ROBO2: variants seen among roughly 807,000 people sequenced by gnomAD.
ROBO2 encodes roundabout homolog 2.
A neutral mutation model predicts 160.8 loss-of-function variants in ROBO2; 53 were observed. That is an observed-to-expected ratio of 0.33 (90% confidence interval 0.26 to 0.41). ROBO2 has a LOEUF of 0.41. ROBO2 is among the 10% of genes least tolerant of loss of function. ROBO2 has a pLI of 1.00. For missense variants in ROBO2, 1,577 were observed against 1,722.4 expected (o/e 0.92, Z 1.49); for synonymous variants, 664 against 611.7 (o/e 1.09, Z -1.26).
intron 2 of ROBO2, among the ~76,000 whole-genome samples, chr3:76,204,453 A>G (rs925697076): frequency 2.4e-4 from 37 of 152,142 alleles, no homozygotes; most frequent in African/African-American, 8.2e-4. Flanking sequence ...CACACATACT[A>G]TTAGAAGCTG....
intron 2 of ROBO2, among the ~76,000 whole-genome samples, chr3:76,041,163 T>C (rs2067260787): frequency 6.6e-6 from 1 of 152,086 alleles, no homozygotes; most frequent in African/African-American, 2.4e-5. Context: ...AGGAGATGTG[T>C]ACACATTATG....
chr3:77,090,320 ACTCTTTTTTTTTTTTTTTTTTTT>A (rs2069979902), intron 1 of ROBO2, among the ~76,000 whole-genome samples: 15 of 68,234 alleles, frequency 2.2e-4, no homozygotes, highest in African/African-American at 6.8e-4. Context: ...CTTCTAAACC[ACTCTTTTTTTTTTTTTTTTTTTT>A]TTTTTTTTTT....
chr3:76,553,026 C>G (rs1487742342), intron 2 of ROBO2, among the ~76,000 whole-genome samples: 1 of 152,104 alleles, frequency 6.6e-6, no homozygotes, highest in African/African-American at 2.4e-5. Context: ...GATGGGTAAG[C>G]AAGTGGTGGG....
chr3:76,202,165 A>G (rs890648328), intron 2 of ROBO2, among the ~76,000 whole-genome samples: 1 of 152,204 alleles, frequency 6.6e-6, no homozygotes, highest in Non-Finnish European at 1.5e-5. Context: ...TTCCACATAT[A>G]TCGTGTTATG....
intron 2 of ROBO2, among the ~76,000 whole-genome samples, chr3:77,449,925 C>T (rs779713429): frequency 1.1e-4 from 16 of 151,744 alleles, no homozygotes; most frequent in Non-Finnish European, 2.1e-4. Flanking sequence ...TTTTAACTGA[C>T]CACAGAGTAA....
intron 2 of ROBO2, among the ~76,000 whole-genome samples, chr3:76,202,038 A>G (rs1194831164): frequency 6.6e-6 from 1 of 152,166 alleles, no homozygotes; most frequent in Non-Finnish European, 1.5e-5. Context: ...ATAGGGAAGC[A>G]CTCATGCATC....
chr3:76,998,145 C>T lies in ROBO2; in HGVS notation c.110-99869C>T, dbSNP rs1036382239. 3.9e-5 allele frequency among the ~76,000 whole-genome samples: 6 copies of T among 152,266 alleles called. No individual in the cohort carries two copies. In the East Asian group the frequency reaches 9.7e-4, roughly 24 times the overall value. On this transcript the variant is annotated intron_variant, in intron 2 of 26. Transcript: ENST00000487694. ...CTACAATGTTCTGTGGTCAGTTTTA[C>T]AACCTGACACAGTACATAGTTATTA...
chr3:76,673,013 A>C (rs1391219419), intron 2 of ROBO2, among the ~76,000 whole-genome samples: 2 of 151,990 alleles, frequency 1.3e-5, no homozygotes, highest in African/African-American at 2.4e-5. Flanking sequence ...CTTAAGTGAC[A>C]GAAATGATAG....
At chr3:76,505,750 G>T (rs2080760225) in intron 2 of ROBO2, among the ~76,000 whole-genome samples, 1 of 152,070 alleles carries the variant, frequency 6.6e-6, no homozygotes, top group Admixed American at 6.5e-5. Context: ...TCAACACCTT[G>T]ATTTCAGACT....
intron 2 of ROBO2, among the ~76,000 whole-genome samples, chr3:76,469,802 C>T (rs962687755): frequency 6.6e-6 from 1 of 152,062 alleles, no homozygotes; most frequent in Non-Finnish European, 1.5e-5. Context: ...CACTAGTAAC[C>T]TCACTGATTT....
At chr3:76,517,322 A>C (rs2081391150) in intron 2 of ROBO2, among the ~76,000 whole-genome samples, 2 of 151,870 alleles carry the variant, frequency 1.3e-5, no homozygotes, top group Non-Finnish European at 2.9e-5. Context: ...AACTAAAAGG[A>C]AAAATAAAAA....
chr3:76,746,944 CGTCCAG>C (rs1038652970), intron 2 of ROBO2, among the ~76,000 whole-genome samples: 21 of 152,186 alleles, frequency 1.4e-4, no homozygotes, highest in African/African-American at 5.1e-4. Context: ...AGGATAATGG[CGTCCAG>C]GTCCATCCAT....
chr3:76,841,214 A>G (rs1309449540), intron 2 of ROBO2, among the ~76,000 whole-genome samples: 1 of 152,222 alleles, frequency 6.6e-6, no homozygotes, highest in Non-Finnish European at 1.5e-5. Context: ...ATAGCCTTGT[A>G]GTAGCCCAGA....
chr3:76,689,514 A>G (rs1444732301), intron 2 of ROBO2, among the ~76,000 whole-genome samples: 2 of 152,122 alleles, frequency 1.3e-5, no homozygotes, highest in Non-Finnish European at 2.9e-5. Context: ...CTATTTTGAA[A>G]TATACAATAA....
chr3:76,528,890 A>G (rs1437840605), intron 2 of ROBO2, among the ~76,000 whole-genome samples: 1 of 152,122 alleles, frequency 6.6e-6, no homozygotes, highest in Non-Finnish European at 1.5e-5. Context: ...AGTGTCCTTG[A>G]AGCGAAACGA....
chr3:76,771,927 A>T (rs1233478910), intron 2 of ROBO2, among the ~76,000 whole-genome samples: 1 of 151,302 alleles, frequency 6.6e-6, no homozygotes, highest in East Asian at 2.0e-4. Flanking sequence ...AAAAAATTGT[A>T]ATTCTAATTT....
intron 2 of ROBO2, among the ~76,000 whole-genome samples, chr3:76,509,624 G>A (rs1217533698): frequency 6.6e-6 from 1 of 152,124 alleles, no homozygotes; most frequent in Non-Finnish European, 1.5e-5. Context: ...TAGTGTTGAG[G>A]CAACGCTTTC....
intron 1 of ROBO2, among the ~76,000 whole-genome samples, chr3:77,076,562 T>C (rs2068030478): frequency 6.6e-6 from 1 of 152,146 alleles, no homozygotes. Context: ...TTTTAAGCTA[T>C]GTCTCACCAA....
chr3:76,024,066 A>G (rs1166489037), intron 2 of ROBO2, among the ~76,000 whole-genome samples: 1 of 151,476 alleles, frequency 6.6e-6, no homozygotes, highest in African/African-American at 2.4e-5. Flanking sequence ...TTAGTTATAT[A>G]TATATTATAT....
Sources: allele counts gnomAD v4.1 joint callset (sites outside exome capture counted in the v4.1 genomes callset), GRCh38; gene constraint gnomAD v4.1.1; transcripts MANE v1.5; gene names NCBI Gene and HGNC (gene_info 2026-07-23, HGNC 2026-07-21).